Variants in GTF2F2 observed in about 807,000 individuals in gnomAD.
GTF2F2 encodes general transcription factor IIF subunit 2.
A neutral mutation model predicts 42.2 loss-of-function variants in GTF2F2; 23 were observed. The ratio of observed to expected loss-of-function variants is 0.55; its 90% confidence interval spans 0.39 to 0.77. The LOEUF (loss-of-function observed/expected upper bound fraction) is 0.77, where lower values mean the gene tolerates loss of function less well. GTF2F2 is among the 30% of genes least tolerant of loss of function. GTF2F2 has a pLI of 0.00. For missense variants in GTF2F2, 261 were observed against 287.2 expected (o/e 0.91, Z 0.66); for synonymous variants, 105 against 100.8 (o/e 1.04, Z -0.25).
At chr13:45,182,995 C>CTA (rs1188367698) in intron 4 of GTF2F2, among the ~76,000 whole-genome samples, 1 of 152,090 alleles carries the variant, frequency 6.6e-6, no homozygotes, top group Non-Finnish European at 1.5e-5. Flanking sequence ...TTGGCCTAGA[C>CTA]TAATGAATGA....
chr13:45,252,029 C>T (rs994257594), intron 5 of GTF2F2, among the ~76,000 whole-genome samples: 22 of 152,170 alleles, frequency 1.4e-4, no homozygotes, highest in African/African-American at 5.3e-4. Context: ...CCTTGCTATA[C>T]TTAATATAAA....
chr13:45,224,281 G>A (rs144797495), intron 5 of GTF2F2, among the ~76,000 whole-genome samples: 1 of 152,294 alleles, frequency 6.6e-6, no homozygotes, highest in East Asian at 1.9e-4. Flanking sequence ...GTCTGTTGCA[G>A]CCTCTCTCTT....
chr13:45,227,740 TG>T (rs1397868395), intron 5 of GTF2F2, among the ~76,000 whole-genome samples: 6 of 152,214 alleles, frequency 3.9e-5, no homozygotes, highest in African/African-American at 1.4e-4. Context: ...AATGACATAT[TG>T]GGTTATTTTT....
rs1398206735 is a variant in GTF2F2, at chr13:45,280,623, G to C, written c.631-2819G>C. Among the ~76,000 whole-genome samples the C allele has an allele frequency of 5.3e-5, 8 of 152,112 alleles. No individual in the cohort carries two copies. The South Asian group carries it at 1.7e-3, about 32-fold the overall frequency. ...CTCATTCCATTCTTATTGTTACAAG[G>C]AAAAAAGAATGACACCTTCGTTTAT... On this transcript the variant is annotated intron_variant, in intron 7 of 7. Transcript: ENST00000340473.
chr13:45,183,885 T>A (rs1872282845), intron 4 of GTF2F2, among the ~76,000 whole-genome samples: 1 of 151,944 alleles, frequency 6.6e-6, no homozygotes, highest in Non-Finnish European at 1.5e-5. Flanking sequence ...AGACAGAGTC[T>A]TTCTTGGTCA....
At chr13:45,190,940 TAAA>T (rs34236995) in intron 4 of GTF2F2, among the ~76,000 whole-genome samples, 26 of 135,316 alleles carry the variant, frequency 1.9e-4, no homozygotes, top group Non-Finnish European at 2.9e-4. Flanking sequence ...TAATTTTCTT[TAAA>T]AAAAAAAAAA....
chr13:45,129,024 C>T lies in GTF2F2; in HGVS notation c.67-7709C>T, dbSNP rs190026683. Among the ~76,000 whole-genome samples, 30 of 152,254 alleles carry T rather than the reference C, an allele frequency of 2.0e-4. No homozygotes were observed. The East Asian group carries it at 5.8e-3, about 29-fold the overall frequency. ...TGCTTTCTTGTTTGAAGGCCTAAAT[C>T]GTAGTCTCCAGTAGTTTGATCACAG... On this transcript the variant is annotated intron_variant, in intron 1 of 7. Coordinates refer to ENST00000340473, the MANE Select transcript of GTF2F2 (RefSeq NM_004128.3).
intron 1 of GTF2F2, among the ~76,000 whole-genome samples, chr13:45,130,587 G>T (rs1368074118): frequency 6.6e-6 from 1 of 152,164 alleles, no homozygotes; most frequent in Non-Finnish European, 1.5e-5. Context: ...ACTCGAGTTG[G>T]TGAGAAAAGG....
At position 45,254,888 on chromosome 13, in the gene GTF2F2, A is replaced by G. The variant is rs949658670; in HGVS notation, c.486+1918A>G. ...AATTTTCTTTAAGACTAGCCTTGGC[A>G]GAGTGCGGTGGCTCACGCCTGTAAT... On this transcript the variant is annotated intron_variant, in intron 6 of 7. Coordinates refer to ENST00000340473, the MANE Select transcript of GTF2F2 (RefSeq NM_004128.3). Among the ~76,000 whole-genome samples, 69 of 152,086 alleles carry G rather than the reference A, an allele frequency of 4.5e-4. 1 individual carries two copies. The highest frequency in any genetic ancestry group is 3.9e-4 in the Admixed American group (6 of 15,264).
intron 5 of GTF2F2, among the ~76,000 whole-genome samples, chr13:45,230,855 A>G (rs934091337): frequency 1.3e-5 from 2 of 152,192 alleles, no homozygotes. Context: ...CTTAGTGACA[A>G]TGTAAATTCA....
chr13:45,136,851 A>G, intron 2 of GTF2F2, 45 bp downstream of exon 2: 3 of 1,035,002 alleles, frequency 2.9e-6, no homozygotes, highest in Non-Finnish European at 4.5e-6. Flanking sequence ...GCTATTTTTG[A>G]AATTTTTATA....
intron 1 of GTF2F2, among the ~76,000 whole-genome samples, chr13:45,135,592 A>G (rs941806872): frequency 2.8e-4 from 43 of 152,222 alleles, no homozygotes; most frequent in Non-Finnish European, 8.8e-5. Flanking sequence ...GAGTGCATAC[A>G]TAATTGAACA....
At chr13:45,178,141 A>G (rs578238352) in intron 4 of GTF2F2, among the ~76,000 whole-genome samples, 3 of 151,782 alleles carry the variant, frequency 2.0e-5, no homozygotes, top group South Asian at 4.2e-4. Context: ...TCTCCTCCTG[A>G]GATTCTGATG....
chr13:45,123,974 C>T, intron 1 of GTF2F2: 1 of 808,658 alleles, frequency 1.2e-6, no homozygotes, highest in African/African-American at 1.7e-5. Context: ...TCTCTCTCTT[C>T]CTCTTGTTCT....
At chr13:45,208,554 A>G (rs1429321450) in intron 5 of GTF2F2, among the ~76,000 whole-genome samples, 4 of 152,174 alleles carry the variant, frequency 2.6e-5, no homozygotes, top group Admixed American at 1.3e-4. Flanking sequence ...TGGACCTTCC[A>G]TTGTCGCAGA....
At chr13:45,233,209 G>T (rs539636238) in intron 5 of GTF2F2, among the ~76,000 whole-genome samples, 3 of 152,250 alleles carry the variant, frequency 2.0e-5, no homozygotes, top group South Asian at 2.1e-4. Context: ...CCTGCGAAAA[G>T]CCACTGCATT....
At chr13:45,132,414 G>A (rs1176873556) in intron 1 of GTF2F2, among the ~76,000 whole-genome samples, 1 of 151,338 alleles carries the variant, frequency 6.6e-6, no homozygotes, top group East Asian at 1.9e-4. Flanking sequence ...CTGACTCTTG[G>A]CTAAAGCTTG....
chr13:45,165,253 GA>G (rs1017270060), intron 4 of GTF2F2, among the ~76,000 whole-genome samples: 13 of 145,414 alleles, frequency 8.9e-5, no homozygotes, highest in African/African-American at 1.5e-4. Context: ...AAATAGAATG[GA>G]AAAAATGTAT....
chr13:45,217,263 G>A (rs191395450), intron 5 of GTF2F2, among the ~76,000 whole-genome samples: 3 of 142,616 alleles, frequency 2.1e-5, no homozygotes, highest in Non-Finnish European at 3.0e-5. Flanking sequence ...ACGCCGCCAC[G>A]CTCCAGCCTA....
Sources: gnomAD v4.1 joint callset for allele counts (sites outside exome capture counted in the v4.1 genomes callset) on GRCh38, gnomAD v4.1.1 for gene constraint, MANE v1.5 for transcripts, NCBI Gene and HGNC (gene_info 2026-07-23, HGNC 2026-07-21) for gene names.